EIF4E2: variants seen among roughly 807,000 people sequenced by gnomAD.
EIF4E2 encodes eukaryotic translation initiation factor 4E type 2.
Under a neutral mutation model 34.2 loss-of-function variants are expected in EIF4E2, and 13 were observed. That is an observed-to-expected ratio of 0.38 (90% CI 0.25 to 0.60). EIF4E2 has a LOEUF of 0.60. Among genes scored for constraint, EIF4E2 ranks in the 20% least tolerant of loss-of-function variants. The pLI, the probability that EIF4E2 is intolerant of heterozygous loss-of-function variation, is 0.62. For missense variants in EIF4E2, 222 were observed against 315.1 expected (o/e 0.70, Z 2.24); for synonymous variants, 100 against 106.6 (o/e 0.94, Z 0.38).
At chr2:232,579,156 ACACACACAC>A (rs1201154595) in intron 6 of EIF4E2, among the ~76,000 whole-genome samples, 4 of 142,448 alleles carry the variant, frequency 2.8e-5, no homozygotes, top group Non-Finnish European at 5.9e-5. Context: ...ACACACACAC[ACACACACAC>A]ACCAGTTATG....
At chr2:232,555,758 T>C (rs1165180752) in intron 1 of EIF4E2, among the ~76,000 whole-genome samples, 1 of 152,230 alleles carries the variant, frequency 6.6e-6, no homozygotes, top group Non-Finnish European at 1.5e-5. Context: ...AGGAGGATCC[T>C]GGCTGGCAGG....
At chr2:232,573,868 T>C (rs1693150206), downstream of EIF4E2, 1 of 368,386 alleles carries the variant, frequency 2.7e-6, no homozygotes, top group Non-Finnish European at 5.4e-6. Flanking sequence ...GAAAAATTGT[T>C]TCTACCACCT....
In EIF4E2 at chr2:232,550,969, G is replaced by A. The variant is rs1692288855; in HGVS notation, c.20+225G>A. ...GTCCGAACCGAGGGCGAAGAGCTGGGCCCGGGGGAGGGGTGGCTGTGCCGC... is the reference window on the plus strand; with the variant it reads ...GTCCGAACCGAGGGCGAAGAGCTGGACCCGGGGGAGGGGTGGCTGTGCCGC... On this transcript the variant is annotated intron_variant, in intron 1 of 6. Transcript: ENST00000258416. The A allele has an allele frequency of 8.1e-6, 5 of 619,104 alleles. No individual in the cohort carries two copies. The East Asian group carries it at 8.3e-5, about 10-fold the overall frequency. The allele number at this position is 619,104 out of a possible 1,614,324, so 38.4% of individuals were successfully genotyped here. A position where few individuals can be genotyped will look rare whatever the true frequency, so the allele number is the denominator to read the frequency against.
intron 1 of EIF4E2, among the ~76,000 whole-genome samples, chr2:232,555,262 C>T (rs1307667): frequency 0.74 from 113,291 of 152,136 alleles, 42,582 homozygotes; most frequent in Middle Eastern, 0.84. Context: ...TGCCTAATTT[C>T]GTTTGACCAC....
downstream of EIF4E2, chr2:232,569,875 T>C (rs1466030558): frequency 6.6e-6 from 1 of 152,256 alleles, no homozygotes; most frequent in Non-Finnish European, 1.5e-5. Flanking sequence ...CCGTGTGAGT[T>C]TGCTCTGTAG....
chr2:232,576,045 A>C (rs1442144199), intron 6 of EIF4E2, among the ~76,000 whole-genome samples: 1 of 152,120 alleles, frequency 6.6e-6, no homozygotes, highest in Non-Finnish European at 1.5e-5. Flanking sequence ...CTCTACTAAA[A>C]ATACAAAAAT....
intron 3 of EIF4E2, among the ~76,000 whole-genome samples, chr2:232,559,996 A>T (rs947008691): frequency 1.3e-5 from 2 of 152,036 alleles, no homozygotes; most frequent in African/African-American, 4.8e-5. Flanking sequence ...GTCTAAAAAA[A>T]TTTTTAAATT....
In EIF4E2 at chr2:232,557,922, C is replaced by A; in HGVS notation, c.174C>A (p.Tyr58Ter). Reference sequence around the variant, plus strand: ...GACCGGCAGAGCATCCCCTGCAGTACAACTACACTTTTTGGTACTCCAGGA... The same window carrying A: ...GACCGGCAGAGCATCCCCTGCAGTAAAACTACACTTTTTGGTACTCCAGGA... ...VPGPAEHPLQ[Y>*]NYTFWYSRRT... The change falls in exon 3 of 7, where the codon TAC (tyrosine) becomes TAA (stop). Residue 58 changes from tyrosine to a stop codon, truncating the protein, a stop_gained. Coordinates refer to ENST00000258416, the MANE Select transcript of EIF4E2 (RefSeq NM_004846.4). LOFTEE classifies it high-confidence loss of function. The A allele has an allele frequency of 6.2e-7, 1 of 1,614,068 alleles. No homozygotes were observed. Among genetic ancestry groups the A allele is most frequent in the Non-Finnish European group, 8.5e-7 (1 of 1,180,016 alleles).
exon 7 of EIF4E2, chr2:232,580,937 A>C: frequency 6.5e-7 from 1 of 1,550,264 alleles, no homozygotes; most frequent in Non-Finnish European, 8.7e-7. Context: ...CAAAAATCAC[A>C]TTGTGAGAGT....
chr2:232,567,630 T>C (rs1692981386), intron 6 of EIF4E2: 1 of 1,081,826 alleles, frequency 9.2e-7, no homozygotes, highest in Non-Finnish European at 1.1e-6. Flanking sequence ...CTATTTTCTT[T>C]GTCCTGGGAT....
downstream of EIF4E2, chr2:232,573,958 C>T (rs576420228): frequency 3.7e-4 from 213 of 568,122 alleles, 3 homozygotes; most frequent in South Asian, 3.6e-3. Context: ...TGAGCATCAG[C>T]TCTGACCTTA....
chr2:232,557,442 C>T (rs1237212147), intron 2 of EIF4E2: 1 of 164,988 alleles, frequency 6.1e-6, no homozygotes, highest in African/African-American at 2.4e-5. Flanking sequence ...GTGCCAGGCA[C>T]TGTGCTCAGC....
intron 1 of EIF4E2, among the ~76,000 whole-genome samples, chr2:232,553,660 G>C (rs1692421943): frequency 6.6e-6 from 1 of 152,230 alleles, no homozygotes; most frequent in South Asian, 2.1e-4. Flanking sequence ...AAGCTGGGAA[G>C]AGTAGCTTGT....
In EIF4E2 at chr2:232,566,716, G is replaced by A; in HGVS notation, c.376-113G>A. On this transcript the variant is annotated intron_variant, in intron 4 of 6. Transcript: ENST00000258416. This position sits in a 1 kb window ranked among gnomAD's most constrained non-coding sequence, Gnocchi z 4.9. ...AGTTTTTCTATAGAGTTGAATAATT[G>A]GAAAGTGATATGACTTCTTAGTGTT... is the stretch of plus-strand genomic sequence containing the variant. 8.3e-7 allele frequency: 1 copy of A among 1,209,178 alleles called. No homozygotes were observed. Among genetic ancestry groups the A allele is most frequent in the Admixed American group, 2.5e-5 (1 of 39,408 alleles). The allele number at this position is 1,209,178 out of a possible 1,614,324, so 74.9% of individuals were successfully genotyped here.
At chr2:232,569,360 T>C, downstream of EIF4E2, 1 of 735,600 alleles carries the variant, frequency 1.4e-6, no homozygotes, top group Non-Finnish European at 1.8e-6. Flanking sequence ...TGTAGTGTCA[T>C]GTGGTATTTT....
intron 3 of EIF4E2, among the ~76,000 whole-genome samples, chr2:232,560,592 A>G (rs1049583287): frequency 2.0e-5 from 3 of 152,236 alleles, no homozygotes; most frequent in Admixed American, 6.5e-5. Context: ...CCTGGGCAAC[A>G]TAGTGAGACC....
At chr2:232,568,057 A>G (rs1692996817) in intron 6 of EIF4E2, 1 of 985,172 alleles carries the variant, frequency 1.0e-6, no homozygotes, top group Non-Finnish European at 1.2e-6. Flanking sequence ...ACAGTACTTT[A>G]TCTAACAAGG....
intron 6 of EIF4E2, chr2:232,580,783 C>A: frequency 2.3e-6 from 2 of 857,534 alleles, no homozygotes; most frequent in Non-Finnish European, 3.5e-6. Flanking sequence ...GTGAAGAAGG[C>A]CCCGGGATAT....
At chr2:232,552,665 G>A (rs1456999020) in intron 1 of EIF4E2, among the ~76,000 whole-genome samples, 1 of 124,344 alleles carries the variant, frequency 8.0e-6, no homozygotes, top group African/African-American at 3.2e-5. Flanking sequence ...CACCTCTTGA[G>A]AAAAATTAAA....
Sources: gnomAD v4.1 joint callset for allele counts (sites outside exome capture counted in the v4.1 genomes callset) on GRCh38, gnomAD v4.1.1 for gene constraint, Gnocchi (gnomAD v3.1) non-coding constraint, MANE v1.5 for transcripts, NCBI Gene and HGNC (gene_info 2026-07-23, HGNC 2026-07-21) for gene names.